Variants in KCNK16 observed in about 807,000 individuals in gnomAD.
KCNK16 encodes the protein potassium two pore domain channel subfamily K member 16.
Under a neutral mutation model 23.0 loss-of-function variants are expected in KCNK16, and 23 were observed. The observed-to-expected ratio is 1.00, with a 90% confidence interval of 0.72 to 1.41. The LOEUF (loss-of-function observed/expected upper bound fraction) is 1.41, where lower values mean the gene tolerates loss of function less well. Ranked by LOEUF, KCNK16 falls within the 40% of genes most tolerant of loss-of-function variation. The pLI is 0.00. For missense variants in KCNK16, 327 were observed against 365.8 expected (o/e 0.89, Z 0.87); for synonymous variants, 145 against 153.5 (o/e 0.94, Z 0.41).
At chr6:39,321,583 T>C (rs1428075962) in intron 1 of KCNK16, among the ~76,000 whole-genome samples, 2 of 152,240 alleles carry the variant, frequency 1.3e-5, no homozygotes, top group Non-Finnish European at 2.9e-5. Flanking sequence ...ACTTGGTCTG[T>C]TCCTTTGCAG....
chr6:39,315,553 G>A, downstream of KCNK16: 1 of 825,474 alleles, frequency 1.2e-6, no homozygotes, highest in Non-Finnish European at 1.9e-6. Flanking sequence ...TTGAGAGGCA[G>A]CTCGCCTGCC....
downstream of KCNK16, chr6:39,314,631 G>C (rs1762241580): frequency 2.4e-6 from 1 of 425,196 alleles, no homozygotes; most frequent in Non-Finnish European, 4.1e-6. Flanking sequence ...GAGGGAAGGG[G>C]CCCAGAGCCC....
intron 3 of KCNK16, 119 bp from the exon 4 acceptor site, chr6:39,317,066 G>A (rs1762345912): frequency 3.0e-6 from 3 of 983,790 alleles, no homozygotes; most frequent in Non-Finnish European, 4.5e-6. Context: ...ACCCTTTCCT[G>A]CACTGCAGAC....
Position 39,322,420 on chromosome 6 carries a change from C to A in KCNK16, c.121G>T (p.Ala41Ser). ...AACTGAAACTGGTCCCTGGACTGAG[C>A]CTCCGCCTGCCTCTCTAGCAGCTGG... The part of the protein sequence containing the change: ...IFQLLERQAE[A>S]QSRDQFQLEK... The change falls in exon 1 of 5, where the codon GCT becomes TCT. Residue 41 changes from alanine to serine, a missense_variant. Coordinates refer to ENST00000437525, the MANE Select transcript of KCNK16 (RefSeq NM_001135106.2). 1 of 1,613,702 alleles carries A rather than the reference C, an allele frequency of 6.2e-7. No homozygotes were observed. Among genetic ancestry groups the A allele is most frequent in the Non-Finnish European group, 8.5e-7 (1 of 1,179,938 alleles).
chr6:39,320,954 A>G (rs1239997265), intron 1 of KCNK16, among the ~76,000 whole-genome samples: 1 of 152,034 alleles, frequency 6.6e-6, no homozygotes. Flanking sequence ...ACTTTGACTA[A>G]CCTTATCCAT....
In KCNK16 at chr6:39,316,808, G is replaced by A. The variant is rs940322198; in HGVS notation, c.635C>T (p.Thr212Ile). ...AACAACATAGTCCCCAAAGCCAATG[G>A]TGCTGAGAGTGATGAAAGCAAAGTA... ...GFYFAFITLS[T>I]IGFGDYVVGT... is the part of the protein sequence containing the mutation. The change falls in exon 4 of 5, where the codon ACC becomes ATC. Residue 212 changes from threonine to isoleucine, a missense_variant. Physicochemically the swap from Thr to Ile is moderately conservative, Grantham distance 89 (BLOSUM62 -1). Transcript: ENST00000437525. 5 of 1,614,176 alleles carry A rather than the reference G, an allele frequency of 3.1e-6. No homozygotes were observed. The highest frequency in any genetic ancestry group is 4.2e-6 in the Non-Finnish European group (5 of 1,180,024).
chr6:39,315,003 C>T (rs566517127), downstream of KCNK16: 6 of 1,597,656 alleles, frequency 3.8e-6, no homozygotes, highest in East Asian at 4.5e-5. Flanking sequence ...CGTGGGTCCT[C>T]AGCTTCCCAG....
chr6:39,314,942 C>T (rs1354266407), downstream of KCNK16: 4 of 1,496,210 alleles, frequency 2.7e-6, no homozygotes, highest in East Asian at 2.3e-5. Flanking sequence ...AGAAGGCCCC[C>T]GAAATCCCTC....
chr6:39,319,086 A>G lies in KCNK16; in HGVS notation c.261T>C (p.Ser87=), dbSNP rs61750316. The change falls in exon 2 of 5, where the codon TCT becomes TCC. Residue 87 remains serine, a synonymous_variant. Coordinates refer to ENST00000437525, the MANE Select transcript of KCNK16 (RefSeq NM_001135106.2). The surrounding 1 kb of genome is among the most constrained non-coding windows in gnomAD (Gnocchi z 4.2). ...CAAAGTCCCAGTTGCTGGGGTTGGT[A>G]GAGTTGCCTTTGGGGTTCACACCTT... The part of the protein sequence containing the change: ...WVKGVNPKGN[S]TNPSNWDFGS... 0.027 allele frequency: 44,093 copies of G among 1,613,804 alleles called. 696 individuals carry two copies. Among genetic ancestry groups the G allele is most frequent in the Non-Finnish European group, 0.028 (33,296 of 1,179,732 alleles).
At chr6:39,317,652 T>G in intron 3 of KCNK16, 134 bp downstream of exon 3, 2 of 1,029,244 alleles carry the variant, frequency 1.9e-6, no homozygotes, top group Non-Finnish European at 2.7e-6. Context: ...CAACCCTGCC[T>G]TCACCCTTCC....
intron 1 of KCNK16, among the ~76,000 whole-genome samples, chr6:39,320,063 C>G (rs1385977590): frequency 6.6e-6 from 1 of 152,160 alleles, no homozygotes; most frequent in African/African-American, 2.4e-5. Flanking sequence ...ACCGAAGAGC[C>G]CCAAAGGCAG....
chr6:39,314,793 C>T, downstream of KCNK16: 1 of 557,438 alleles, frequency 1.8e-6, no homozygotes, highest in Non-Finnish European at 3.1e-6. Context: ...CTGTCAATCT[C>T]AAGACCACCT....
intron 3 of KCNK16, among the ~76,000 whole-genome samples, chr6:39,317,503 G>A (rs1050742819): frequency 3.9e-5 from 6 of 152,198 alleles, no homozygotes; most frequent in Non-Finnish European, 2.9e-5. Flanking sequence ...GCCACACCCA[G>A]TGCCTGATTG....
chr6:39,320,775 G>A (rs1279870270), intron 1 of KCNK16, among the ~76,000 whole-genome samples: 2 of 152,168 alleles, frequency 1.3e-5, no homozygotes, highest in African/African-American at 2.4e-5. Context: ...TTAGCAGAGC[G>A]AGTTAGGTTG....
intron 1 of KCNK16, among the ~76,000 whole-genome samples, chr6:39,321,339 GC>G (rs1406030770): frequency 6.6e-6 from 1 of 152,236 alleles, no homozygotes; most frequent in Non-Finnish European, 1.5e-5. Context: ...GGGAGTGAAT[GC>G]TGTCTCTACC....
downstream of KCNK16, chr6:39,315,208 C>G: frequency 6.2e-7 from 1 of 1,614,058 alleles, no homozygotes; most frequent in South Asian, 1.1e-5. Flanking sequence ...ATTTCCAGGC[C>G]CCGGGATGGA....
chr6:39,319,117 C>T lies in KCNK16; in HGVS notation c.230G>A (p.Trp77Ter), dbSNP rs1762426778. 1.2e-6 allele frequency: 2 copies of T among 1,613,202 alleles called. No homozygotes were observed. The highest frequency in any genetic ancestry group is 1.7e-6 in the Non-Finnish European group (2 of 1,179,392). The change falls in exon 2 of 5, where the codon TGG (tryptophan) becomes TAG (stop). Residue 77 changes from tryptophan to a stop codon, truncating the protein, a stop_gained. Transcript: ENST00000437525. LOFTEE classifies it high-confidence loss of function. This position sits in a 1 kb window ranked among gnomAD's most constrained non-coding sequence, Gnocchi z 4.2. ...GCCTTTGGGGTTCACACCTTTCACC[C>T]AGGCTTCCATGATGACCTGTAGGGG... The part of the protein sequence containing the change: ...EQFVQVIMEA[W>*]VKGVNPKGNS...
downstream of KCNK16, chr6:39,314,758 G>T (rs1762246052): frequency 2.0e-6 from 1 of 498,792 alleles, no homozygotes; most frequent in South Asian, 3.9e-5. Context: ...CTTGGACTCG[G>T]GGGCTATCTC....
At chr6:39,316,514 C>T (rs542185942) in intron 4 of KCNK16, 72 bp from the exon 5 acceptor site, 2 of 1,496,914 alleles carry the variant, frequency 1.3e-6, no homozygotes, top group African/African-American at 2.8e-5. Flanking sequence ...CATAGGGACC[C>T]TCACCAGCCA....
Sources: allele counts gnomAD v4.1 joint callset (sites outside exome capture counted in the v4.1 genomes callset), GRCh38; gene constraint gnomAD v4.1.1; non-coding constraint Gnocchi (gnomAD v3.1); transcripts MANE v1.5; gene names NCBI Gene and HGNC (gene_info 2026-07-23, HGNC 2026-07-21).